MPZL1: variants seen among roughly 807,000 people sequenced by gnomAD.
MPZL1 encodes the protein myelin protein zero like 1, also known as myelin protein zero-like protein 1.
Under a neutral mutation model 29.3 loss-of-function variants are expected in MPZL1, and 16 were observed. The observed-to-expected ratio is 0.55, with a 90% CI of 0.37 to 0.83. MPZL1 has a LOEUF of 0.83. MPZL1 is among the 40% of genes least tolerant of loss of function. The pLI, the probability that MPZL1 is intolerant of heterozygous loss-of-function variation, is 0.00. For missense variants in MPZL1, 279 were observed against 332.9 expected (o/e 0.84, Z 1.26); for synonymous variants, 143 against 132.0 (o/e 1.08, Z -0.57).
At chr1:167,734,607 A>C (rs1660340084) in intron 1 of MPZL1, among the ~76,000 whole-genome samples, 1 of 152,160 alleles carries the variant, frequency 6.6e-6, no homozygotes, top group Non-Finnish European at 1.5e-5. Context: ...TTTTTAGAGT[A>C]TGTGCACCTT....
intron 1 of MPZL1, among the ~76,000 whole-genome samples, chr1:167,743,406 C>T (rs1660575957): frequency 6.6e-6 from 1 of 151,902 alleles, no homozygotes; most frequent in South Asian, 2.1e-4. Context: ...CGGGGTTTCA[C>T]CATGTTAGCC....
chr1:167,726,462 T>C (rs1007416947), intron 1 of MPZL1, among the ~76,000 whole-genome samples: 4 of 152,248 alleles, frequency 2.6e-5, no homozygotes, highest in Non-Finnish European at 4.4e-5. Context: ...ATATGGTAGA[T>C]GCTAAAAATA....
intron 1 of MPZL1, among the ~76,000 whole-genome samples, chr1:167,748,894 A>T (rs985998301): frequency 6.6e-6 from 1 of 152,190 alleles, no homozygotes; most frequent in Non-Finnish European, 1.5e-5. Flanking sequence ...ATGATACTAT[A>T]GTATTCTCTT....
chr1:167,732,262 G>GAACTACAAAAT (rs1660287168), intron 1 of MPZL1, among the ~76,000 whole-genome samples: 1 of 152,114 alleles, frequency 6.6e-6, no homozygotes, highest in South Asian at 2.1e-4. Flanking sequence ...TAAGTACTAA[G>GAACTACAAAAT]AACTACAAAA....
At chr1:167,766,191 G>A (rs754223493) in intron 2 of MPZL1, among the ~76,000 whole-genome samples, 2 of 152,064 alleles carry the variant, frequency 1.3e-5, no homozygotes, top group Non-Finnish European at 2.9e-5. Context: ...CTATGTAGTG[G>A]GTTATGTAGG....
At chr1:167,764,119 C>A (rs1383440217) in intron 1 of MPZL1, among the ~76,000 whole-genome samples, 1 of 152,144 alleles carries the variant, frequency 6.6e-6, no homozygotes, top group Admixed American at 6.5e-5. Flanking sequence ...GATATTTATT[C>A]CAAACGATTT....
chr1:167,790,247 C>T lies in MPZL1; in HGVS notation c.*2326C>T, dbSNP rs1661680305. On this transcript the variant is annotated 3_prime_UTR_variant, in exon 6 of 6. Transcript: ENST00000359523. ...CTGTGGGGGCCACTCACTCGAATGA[C>T]ACCTGGAGGCCTGTTCCTCCCTTAC... 3 of 152,502 alleles carry T rather than the reference C, an allele frequency of 2.0e-5. No homozygotes were observed. The highest frequency in any genetic ancestry group is 2.0e-4 in the Admixed American group (3 of 15,278). The allele number at this position is 152,502 out of a possible 1,614,324, so 9.4% of individuals were successfully genotyped here.
At chr1:167,754,877 A>G (rs1660835292) in intron 1 of MPZL1, among the ~76,000 whole-genome samples, 1 of 152,162 alleles carries the variant, frequency 6.6e-6, no homozygotes, top group East Asian at 1.9e-4. Context: ...TAAGAGTTAG[A>G]CTGTTTAGAG....
intron 2 of MPZL1, among the ~76,000 whole-genome samples, chr1:167,768,867 G>A (rs1286408850): frequency 2.0e-5 from 3 of 152,242 alleles, no homozygotes; most frequent in Non-Finnish European, 4.4e-5. Flanking sequence ...GGGAATATGT[G>A]GAGATGTTGT....
rs1156586492 is a variant in MPZL1, at chr1:167,739,260, C to CAT, written c.91+17019_91+17020insTA. ...ACCCAGCCAAAGGGACTAATACATA[C>CAT]ACATACATATATACATATATACATA... On this transcript the variant is annotated intron_variant, in intron 1 of 5. Transcript: ENST00000359523. Among the ~76,000 whole-genome samples the CAT allele has an allele frequency of 4.1e-5, 5 of 122,252 alleles. No individual in the cohort carries two copies. The East Asian group carries it at 1.1e-3, about 28-fold the overall frequency. 80.2% of individuals were successfully genotyped at this position (122,252 alleles called of 152,430 possible). A position where few individuals can be genotyped will look rare whatever the true frequency, so the allele number is the denominator to read the frequency against.
At chr1:167,777,121 C>G (rs1661385596) in intron 5 of MPZL1, among the ~76,000 whole-genome samples, 1 of 152,182 alleles carries the variant, frequency 6.6e-6, no homozygotes, top group Non-Finnish European at 1.5e-5. Context: ...ATCTGTCTGT[C>G]TCTCTCTCAC....
At chr1:167,775,488 A>C (rs1377832240) in intron 4 of MPZL1, among the ~76,000 whole-genome samples, 2 of 152,208 alleles carry the variant, frequency 1.3e-5, no homozygotes, top group African/African-American at 2.4e-5. Context: ...GTGACCTGGC[A>C]TTCCCTAATT....
At chr1:167,780,565 T>C (rs959963317) in intron 5 of MPZL1, among the ~76,000 whole-genome samples, 2 of 152,000 alleles carry the variant, frequency 1.3e-5, no homozygotes, top group Non-Finnish European at 1.5e-5. Context: ...TATTCTGTCT[T>C]TAAAAGGAAA....
intron 5 of MPZL1, among the ~76,000 whole-genome samples, chr1:167,780,778 C>T (rs944992132): frequency 6.6e-6 from 1 of 152,054 alleles, no homozygotes; most frequent in Non-Finnish European, 1.5e-5. Context: ...TCAGTTTTTG[C>T]AGGATGAAAA....
At chr1:167,763,367 TTAGCTGGGCGTC>T (rs1175817886) in intron 1 of MPZL1, among the ~76,000 whole-genome samples, 2 of 151,850 alleles carry the variant, frequency 1.3e-5, no homozygotes, top group Admixed American at 6.6e-5. Context: ...AATACAAAAA[TTAGCTGGGCGTC>T]GTGGTGGGTG....
intron 2 of MPZL1, among the ~76,000 whole-genome samples, chr1:167,767,067 T>G (rs930784521): frequency 2.6e-5 from 4 of 152,244 alleles, no homozygotes; most frequent in Admixed American, 6.5e-5. Flanking sequence ...TTCTCAAAGC[T>G]TCCCACCCAA....
At chr1:167,750,261 C>T (rs1406957074) in intron 1 of MPZL1, among the ~76,000 whole-genome samples, 3 of 151,844 alleles carry the variant, frequency 2.0e-5, no homozygotes, top group Non-Finnish European at 2.9e-5. Context: ...AGTGCAATGC[C>T]GCGATCTCAG....
chr1:167,750,867 A>G (rs1660740804), intron 1 of MPZL1, among the ~76,000 whole-genome samples: 1 of 152,190 alleles, frequency 6.6e-6, no homozygotes, highest in African/African-American at 2.4e-5. Context: ...AGTCTGCAGC[A>G]TTTCCTGAGT....
chr1:167,751,613 G>A (rs1660758653), intron 1 of MPZL1, among the ~76,000 whole-genome samples: 1 of 151,042 alleles, frequency 6.6e-6, no homozygotes, highest in South Asian at 2.1e-4. Flanking sequence ...AGAGGTTGCA[G>A]TGAGCCGAGA....
Sources: allele counts gnomAD v4.1 joint callset (sites outside exome capture counted in the v4.1 genomes callset), GRCh38; gene constraint gnomAD v4.1.1; transcripts MANE v1.5; gene names NCBI Gene and HGNC (gene_info 2026-07-23, HGNC 2026-07-21).